Variants in TRIT1 observed in about 807,000 individuals in gnomAD.
TRIT1 encodes the protein tRNA dimethylallyltransferase.
In TRIT1, 43 loss-of-function variants were observed where a neutral mutation model predicts 51.2. The observed-to-expected ratio is 0.84, with a 90% CI of 0.66 to 1.08. The LOEUF (loss-of-function observed/expected upper bound fraction) is 1.08, where lower values mean the gene tolerates loss of function less well. Among genes scored for constraint, TRIT1 ranks in the 50% least tolerant of loss-of-function variants. The pLI is 0.00. For synonymous variants in TRIT1, 184 were observed against 203.9 expected (o/e 0.90, Z 0.83); for missense variants, 528 against 578.4 (o/e 0.91, Z 0.89).
At chr1:39,852,114 T>C (rs887839615) in intron 4 of TRIT1, among the ~76,000 whole-genome samples, 11 of 152,192 alleles carry the variant, frequency 7.2e-5, no homozygotes, top group African/African-American at 2.4e-4. Context: ...ATATTTAATC[T>C]GTATAACCAT....
chr1:39,858,605 G>A (rs1287409517), intron 1 of TRIT1, among the ~76,000 whole-genome samples: 1 of 152,104 alleles, frequency 6.6e-6, no homozygotes, highest in Non-Finnish European at 1.5e-5. Context: ...AAGGAGAAAG[G>A]GAAATAATTT....
rs915309953 is a variant in TRIT1, at chr1:39,847,196, G to A, written c.1006+24C>T. On this transcript the variant is annotated intron_variant, in intron 8 of 10. Transcript: ENST00000316891. ...TATTCTATTGAAAACAGACCCATAG[G>A]ATAAAGAAAAACATGAGACTTACTG... 4 of 1,603,744 alleles carry A rather than the reference G, an allele frequency of 2.5e-6. No individual in the cohort carries two copies. In the African/African-American group the frequency reaches 5.4e-5, roughly 21 times the overall value.
intron 8 of TRIT1, among the ~76,000 whole-genome samples, chr1:39,845,827 C>A (rs979498104): frequency 6.6e-6 from 1 of 152,222 alleles, no homozygotes; most frequent in Admixed American, 6.5e-5. Flanking sequence ...CCTGGCCAAT[C>A]ACGCACAGCT....
rs1352097583 is a variant in TRIT1 at position 39,839,114 on chromosome 1, G to A, written c.*2630C>T. On this transcript the variant is annotated 3_prime_UTR_variant, in exon 11 of 11. Coordinates refer to ENST00000316891, the MANE Select transcript of TRIT1 (RefSeq NM_017646.6). ...AAGCAGATGAACCTAATAGCTCACT[G>A]AGTATTGGAATTAATTGCCAAAGCC... 6.6e-6 allele frequency among the ~76,000 whole-genome samples: 1 copy of A among 152,210 alleles called. No individual in the cohort carries two copies. Among genetic ancestry groups the A allele is most frequent in the Non-Finnish European group, 1.5e-5 (1 of 68,044 alleles).
At chr1:39,869,689 G>A (rs1201949054) in intron 1 of TRIT1, among the ~76,000 whole-genome samples, 2 of 151,824 alleles carry the variant, frequency 1.3e-5, no homozygotes, top group Non-Finnish European at 2.9e-5. Flanking sequence ...CACCGTCTGA[G>A]ATGTGAGGAG....
chr1:39,872,552 G>T (rs562601021), intron 1 of TRIT1, among the ~76,000 whole-genome samples: 1 of 152,026 alleles, frequency 6.6e-6, no homozygotes, highest in Non-Finnish European at 1.5e-5. Flanking sequence ...AATAAGCAAG[G>T]GGGGAAGACT....
At chr1:39,862,765 G>A (rs372708049) in intron 1 of TRIT1, 1 of 984,910 alleles carries the variant, frequency 1.0e-6, no homozygotes, top group African/African-American at 1.7e-5. Flanking sequence ...TGTGAGATTT[G>A]TAGCTGAATC....
chr1:39,855,804 A>G (rs1392073272), intron 2 of TRIT1, among the ~76,000 whole-genome samples: 1 of 152,212 alleles, frequency 6.6e-6, no homozygotes, highest in Non-Finnish European at 1.5e-5. Context: ...TGTGCAAGCC[A>G]TGAAATGACT....
intron 1 of TRIT1, among the ~76,000 whole-genome samples, chr1:39,871,542 T>C (rs971959711): frequency 6.6e-5 from 10 of 152,210 alleles, no homozygotes. Flanking sequence ...ATGGCGCCAC[T>C]GCACCCCACC....
Position 39,839,909 on chromosome 1 carries a change from G to C in TRIT1, c.*1835C>G, listed in dbSNP as rs892077272. Among the ~76,000 whole-genome samples the C allele has an allele frequency of 2.6e-5, 4 of 152,086 alleles. No individual in the cohort carries two copies. The highest frequency in any genetic ancestry group is 9.7e-5 in the African/African-American group (4 of 41,372). On this transcript the variant is annotated 3_prime_UTR_variant, in exon 11 of 11. Coordinates refer to ENST00000316891, the MANE Select transcript of TRIT1 (RefSeq NM_017646.6). ...CTTTTTAGGCTTTAAAACATACTTA[G>C]CAACTTGAACGAAGAATATTTCAGA... is the stretch of plus-strand genomic sequence containing the variant.
At chr1:39,857,713 G>A (rs927988350) in intron 1 of TRIT1, among the ~76,000 whole-genome samples, 1 of 152,198 alleles carries the variant, frequency 6.6e-6, no homozygotes, top group African/African-American at 2.4e-5. Context: ...TGCATGGCCA[G>A]AACTTTAAAG....
At chr1:39,862,878 T>G (rs1643330784) in intron 1 of TRIT1, 1 of 985,326 alleles carries the variant, frequency 1.0e-6, no homozygotes, top group Non-Finnish European at 1.2e-6. Context: ...TGTGTTATCT[T>G]TCAAAGACAG....
chr1:39,857,102 T>G (rs1486545828), intron 2 of TRIT1, among the ~76,000 whole-genome samples, 175 bp downstream of exon 2: 1 of 152,168 alleles, frequency 6.6e-6, no homozygotes, highest in Non-Finnish European at 1.5e-5. Context: ...GGACAAGAAT[T>G]TGGGTGACAA....
intron 8 of TRIT1, among the ~76,000 whole-genome samples, chr1:39,844,895 T>A (rs1029838059): frequency 5.3e-5 from 8 of 152,222 alleles, no homozygotes; most frequent in South Asian, 2.1e-4. Flanking sequence ...AAAACCAGAA[T>A]AGAGTTAACA....
rs1270384394 is a variant in TRIT1 at position 39,883,430 on chromosome 1, C to A, written c.62G>T (p.Arg21Leu). ...PVGSGLRGLQ[R>L]TLPLVVILGA... ...GAGAATCACTACAAGAGGTAGGGTC[C>A]GTTGCAGGCCCCTGAGCCCACTGCC... is the stretch of plus-strand genomic sequence containing the variant. Residue 21 changes from arginine to leucine, a missense_variant, in exon 1 of 11, where the codon CGG becomes CTG. Coordinates refer to ENST00000316891, the MANE Select transcript of TRIT1 (RefSeq NM_017646.6). 1 of 1,613,386 alleles carries A rather than the reference C, an allele frequency of 6.2e-7. No homozygotes were observed. Among genetic ancestry groups the A allele is most frequent in the African/African-American group, 1.3e-5 (1 of 75,038 alleles).
Position 39,840,577 on chromosome 1 carries a change from T to A in TRIT1, c.*1167A>T, listed in dbSNP as rs1426799142. Among the ~76,000 whole-genome samples, 2 of 152,304 alleles carry A rather than the reference T, an allele frequency of 1.3e-5. No homozygotes were observed. The highest frequency in any genetic ancestry group is 4.1e-4 in the South Asian group (2 of 4,824). On this transcript the variant is annotated 3_prime_UTR_variant, in exon 11 of 11. Coordinates refer to ENST00000316891, the MANE Select transcript of TRIT1 (RefSeq NM_017646.6). ...GCAAGAACCACATCTCATCTCTGCA[T>A]TCCCTTTAGCCTAATTCAGGGCCTC...
At chr1:39,871,924 G>T (rs1553146797) in intron 1 of TRIT1, among the ~76,000 whole-genome samples, 1 of 152,086 alleles carries the variant, frequency 6.6e-6, no homozygotes, top group Non-Finnish European at 1.5e-5. Context: ...GTTTTTTTGG[G>T]ACAGAGTCTT....
rs939058751 is a variant in TRIT1 at position 39,838,226 on chromosome 1, C to T, written c.*3518G>A. Among the ~76,000 whole-genome samples the T allele has an allele frequency of 1.3e-5, 2 of 152,190 alleles. No homozygotes were observed. The highest frequency in any genetic ancestry group is 1.5e-5 in the Non-Finnish European group (1 of 68,028). The stretch of plus-strand genomic sequence containing the variant: ...TCATTTTAGAAAACAGCCTTAACTG[C>T]CCAAGTAGGTGATAATCAAATACAG... On this transcript the variant is annotated 3_prime_UTR_variant, in exon 11 of 11. Transcript: ENST00000316891.
intron 1 of TRIT1, among the ~76,000 whole-genome samples, chr1:39,881,196 A>C (rs992563029): frequency 4.0e-5 from 6 of 150,572 alleles, no homozygotes; most frequent in African/African-American, 1.5e-4. Context: ...ACTGCACTCC[A>C]GCCTGGGCAA....
Sources: allele counts gnomAD v4.1 joint callset (sites outside exome capture counted in the v4.1 genomes callset), GRCh38; gene constraint gnomAD v4.1.1; transcripts MANE v1.5; gene names NCBI Gene and HGNC (gene_info 2026-07-23, HGNC 2026-07-21).